Variants in SHROOM4 observed in about 807,000 individuals in gnomAD.
SHROOM4 encodes the protein protein Shroom4.
SHROOM4 carries 17 observed loss-of-function variants against 80.3 expected under a neutral mutation model. That is an observed-to-expected ratio of 0.21 (90% confidence interval 0.14 to 0.32). SHROOM4 has a LOEUF of 0.32. Among genes scored for constraint, SHROOM4 ranks in the 10% least tolerant of loss-of-function variants. SHROOM4 has a pLI of 1.00. For synonymous variants in SHROOM4, 400 were observed against 437.5 expected, an observed-to-expected ratio of 0.91 and a Z score of 1.07; for missense variants, 993 against 1,140.3, an observed-to-expected ratio of 0.87 and a Z score of 1.86.
At chrX:50,674,319 C>A (rs1168587410) in intron 2 of SHROOM4, among the ~76,000 whole-genome samples, 1 of 111,401 alleles carries the variant, frequency 9.0e-6, no homozygotes, top group Non-Finnish European at 1.9e-5. Context: ...TACCCAATTT[C>A]AAGACTTTGA....
At chrX:50,657,441 T>C (rs1557259558) in intron 2 of SHROOM4, among the ~76,000 whole-genome samples, 1 of 110,356 alleles carries the variant, frequency 9.1e-6, no homozygotes, top group East Asian at 2.8e-4. Context: ...ACCTAATTTT[T>C]GGACAGTTTT....
the SHROOM4 span, among the ~76,000 whole-genome samples, chrX:50,578,467 A>G: frequency 9.0e-6 from 1 of 111,373 alleles, no homozygotes; most frequent in Non-Finnish European, 1.9e-5. Context: ...CACCACGCCC[A>G]GCTAATTTTT....
At position 50,745,499 on chromosome X, in the gene SHROOM4, G is replaced by A. The variant is rs782774172; in HGVS notation, c.118-49562C>T. Among the ~76,000 whole-genome samples, 147 of 111,063 alleles carry A rather than the reference G, an allele frequency of 1.3e-3. 1 individual carries two copies. The highest frequency in any genetic ancestry group is 4.7e-3 in the African/African-American group (145 of 30,568). On this transcript the variant is annotated intron_variant, in intron 1 of 8. Coordinates refer to ENST00000376020, the MANE Select transcript of SHROOM4 (RefSeq NM_020717.5). ...TTGGGAGTGGGGAAATAGGAGCCCT[G>A]GTCTTCTCCAACTGCCATTCACAGT...
intron 1 of SHROOM4, among the ~76,000 whole-genome samples, chrX:50,712,865 C>T (rs191294615): frequency 2.3e-3 from 254 of 111,425 alleles, no homozygotes; most frequent in African/African-American, 7.8e-3. Context: ...CCCCTTGATG[C>T]GTATCCCATC....
chrX:50,622,511 C>T (rs1341923818), intron 5 of SHROOM4, among the ~76,000 whole-genome samples: 4 of 112,408 alleles, frequency 3.6e-5, no homozygotes, highest in African/African-American at 6.5e-5. Flanking sequence ...ATTCTCTTCA[C>T]GGAAAACCAA....
Position 50,591,599 on chromosome X carries a change from G to A in SHROOM4, c.*5096C>T, listed in dbSNP as rs782612650. The A allele has an allele frequency of 3.6e-6, 1 of 277,158 alleles. No homozygotes were observed. Among genetic ancestry groups the A allele is most frequent in the East Asian group, 1.1e-4 (1 of 9,362 alleles). The allele number at this position is 277,158 out of a possible 1,213,427, so 22.8% of individuals were successfully genotyped here. On this transcript the variant is annotated 3_prime_UTR_variant, in exon 9 of 9. Transcript: ENST00000376020. ...ATGTTTTATAGTTTTCAGTGTAAAAGTTTCGCACTTCTTTTGTTAAATTAT... is the reference window on the plus strand; with the variant it reads ...ATGTTTTATAGTTTTCAGTGTAAAAATTTCGCACTTCTTTTGTTAAATTAT...
At chrX:50,702,684 T>A (rs1933549986) in intron 1 of SHROOM4, among the ~76,000 whole-genome samples, 1 of 112,225 alleles carries the variant, frequency 8.9e-6, no homozygotes, top group South Asian at 3.7e-4. Flanking sequence ...AGAAATGTTC[T>A]ACATAGTTAT....
At chrX:50,650,881 C>T (rs781909243) in intron 2 of SHROOM4, among the ~76,000 whole-genome samples, 1 of 112,087 alleles carries the variant, frequency 8.9e-6, no homozygotes, top group South Asian at 3.7e-4. Context: ...AATTTTGCTG[C>T]TTGGCAGTGG....
intron 5 of SHROOM4, among the ~76,000 whole-genome samples, chrX:50,618,708 G>A (rs782541449): frequency 2.7e-5 from 3 of 111,707 alleles, no homozygotes; most frequent in South Asian, 7.4e-4. Context: ...GTTGCCAAGT[G>A]TTGGGCCCCG....
chrX:50,660,389 C>T (rs782729740), intron 2 of SHROOM4, among the ~76,000 whole-genome samples: 21 of 111,653 alleles, frequency 1.9e-4, no homozygotes, highest in Non-Finnish European at 3.0e-4. Flanking sequence ...TGTATTTCTC[C>T]ACATGCCTGC....
chrX:50,809,081 A>G (rs1936282649), intron 1 of SHROOM4, among the ~76,000 whole-genome samples: 1 of 111,209 alleles, frequency 9.0e-6, no homozygotes, highest in Non-Finnish European at 1.9e-5. Flanking sequence ...GCAGGTGGGA[A>G]ACTGAGGTAG....
In SHROOM4 at chrX:50,607,505, T is replaced by C; in HGVS notation, c.3637A>G (p.Ser1213Gly). The part of the protein sequence containing the change: ...AEQESFALHS[S>G]DFLPPIRGHL... ...CCCCTTATTGGAGGCAAGAAATCAC[T>C]GGAATGGAGTGCAAAGGATTCTTGC... Residue 1213 changes from serine to glycine, a missense_variant, in exon 6 of 9, where the codon AGT becomes GGT. Transcript: ENST00000376020. 1 of 1,211,242 alleles carries C rather than the reference T, an allele frequency of 8.3e-7. No individual in the cohort carries two copies. The highest frequency in any genetic ancestry group is 1.1e-6 in the Non-Finnish European group (1 of 895,413).
intron 5 of SHROOM4, among the ~76,000 whole-genome samples, chrX:50,619,255 CTT>C (rs1930475821): frequency 9.0e-6 from 1 of 111,289 alleles, no homozygotes; most frequent in East Asian, 2.8e-4. Flanking sequence ...TGTTTGGAAA[CTT>C]TATTTTTAAG....
intron 5 of SHROOM4, among the ~76,000 whole-genome samples, chrX:50,621,462 C>A (rs925628022): frequency 1.8e-5 from 2 of 112,060 alleles, no homozygotes; most frequent in African/African-American, 6.5e-5. Flanking sequence ...ATAAATTTGA[C>A]AAATTCTATA....
At chrX:50,730,761 C>G (rs1934349938) in intron 1 of SHROOM4, among the ~76,000 whole-genome samples, 2 of 94,885 alleles carry the variant, frequency 2.1e-5, no homozygotes, top group African/African-American at 7.4e-5. Context: ...GGTGATAAAG[C>G]AAGACTCCGT....
intron 2 of SHROOM4, among the ~76,000 whole-genome samples, chrX:50,673,128 G>A (rs782788100): frequency 8.9e-6 from 1 of 111,929 alleles, no homozygotes; most frequent in Admixed American, 9.5e-5. Flanking sequence ...ATGTATGTAT[G>A]TATATGGGTA....
chrX:50,711,738 TAA>T (rs1313597200), intron 1 of SHROOM4, among the ~76,000 whole-genome samples: 1 of 112,234 alleles, frequency 8.9e-6, no homozygotes, highest in Non-Finnish European at 1.9e-5. Flanking sequence ...TGGGTATATA[TAA>T]GTGTTTAATG....
At chrX:50,745,822 A>G (rs1220469988) in intron 1 of SHROOM4, among the ~76,000 whole-genome samples, 1 of 111,870 alleles carries the variant, frequency 8.9e-6, no homozygotes, top group Non-Finnish European at 1.9e-5. Flanking sequence ...TCAAATGCCA[A>G]TTGTTCTTAC....
chrX:50,639,227 C>CA, intron 2 of SHROOM4, among the ~76,000 whole-genome samples: 1 of 111,189 alleles, frequency 9.0e-6, no homozygotes, highest in Middle Eastern at 4.6e-3. Flanking sequence ...GTGAAGAGTA[C>CA]ATGTGGGGCA....
Sources: gnomAD v4.1 joint callset for allele counts (sites outside exome capture counted in the v4.1 genomes callset) on GRCh38, gnomAD v4.1.1 for gene constraint, MANE v1.5 for transcripts, NCBI Gene and HGNC (gene_info 2026-07-23, HGNC 2026-07-21) for gene names.